CNTN5: variants seen among roughly 807,000 people sequenced by gnomAD.
CNTN5 encodes the protein contactin-5.
Under a neutral mutation model 129.1 loss-of-function variants are expected in CNTN5, and 77 were observed. The observed-to-expected ratio is 0.60, with a 90% confidence interval of 0.50 to 0.72. The LOEUF is 0.72. Among genes scored for constraint, CNTN5 ranks in the 30% least tolerant of loss-of-function variants. The pLI, the probability that CNTN5 is intolerant of heterozygous loss-of-function variation, is 0.00. For synonymous variants in CNTN5, 509 were observed against 465.6 expected (o/e 1.09, Z -1.20); for missense variants, 1,478 against 1,328.8 (o/e 1.11, Z -1.75).
chr11:100,342,485 G>C (rs139735940), intron 23 of CNTN5, among the ~76,000 whole-genome samples: 202 of 152,146 alleles, frequency 1.3e-3, no homozygotes, highest in African/African-American at 4.6e-3. Context: ...CAAGTGGAAG[G>C]CTCATATGGT....
intron 2 of CNTN5, among the ~76,000 whole-genome samples, chr11:99,538,708 G>A (rs1947989512): frequency 6.6e-6 from 1 of 152,068 alleles, no homozygotes. Flanking sequence ...AGTGAGTACT[G>A]CTCTAGGTAT....
At chr11:99,923,741 T>C (rs1489002714) in intron 7 of CNTN5, among the ~76,000 whole-genome samples, 1 of 139,300 alleles carries the variant, frequency 7.2e-6, no homozygotes, top group Non-Finnish European at 1.6e-5. Context: ...TATCTGTCTA[T>C]CTAATCTATC....
At chr11:99,343,683 G>A (rs780506985) in intron 2 of CNTN5, among the ~76,000 whole-genome samples, 8 of 151,728 alleles carry the variant, frequency 5.3e-5, no homozygotes, top group Non-Finnish European at 7.4e-5. Flanking sequence ...AATTTTTCAA[G>A]GAGCATTTTT....
intron 9 of CNTN5, among the ~76,000 whole-genome samples, chr11:100,040,477 G>C (rs1053029611): frequency 1.3e-5 from 2 of 152,198 alleles, no homozygotes; most frequent in Admixed American, 6.5e-5. Flanking sequence ...GCTGGGAGAA[G>C]CACTGCTCTC....
chr11:99,155,310 G>A (rs948228921), intron 1 of CNTN5, among the ~76,000 whole-genome samples: 2 of 152,156 alleles, frequency 1.3e-5, no homozygotes, highest in Non-Finnish European at 2.9e-5. Context: ...TTCACTTTCA[G>A]TCTTATCACT....
At chr11:99,267,726 C>A (rs1182558528) in intron 1 of CNTN5, among the ~76,000 whole-genome samples, 1 of 151,896 alleles carries the variant, frequency 6.6e-6, no homozygotes, top group Non-Finnish European at 1.5e-5. Context: ...AATAAGCATC[C>A]ATTTCATTGA....
At chr11:99,358,937 G>A (rs535675636) in intron 2 of CNTN5, among the ~76,000 whole-genome samples, 1 of 152,052 alleles carries the variant, frequency 6.6e-6, no homozygotes, top group South Asian at 2.1e-4. Context: ...AAAACAAATT[G>A]GTCTGTTTAT....
intron 3 of CNTN5, among the ~76,000 whole-genome samples, chr11:99,706,406 C>A (rs1954758196): frequency 6.6e-6 from 1 of 151,460 alleles, no homozygotes; most frequent in Non-Finnish European, 1.5e-5. Context: ...AAAATATTAT[C>A]TAATAAGAAT....
At chr11:99,200,304 A>G (rs1047801366) in intron 1 of CNTN5, among the ~76,000 whole-genome samples, 2 of 152,226 alleles carry the variant, frequency 1.3e-5, no homozygotes, top group African/African-American at 4.8e-5. Flanking sequence ...ATTAATTCAT[A>G]TAGCTCTCTT....
intron 8 of CNTN5, among the ~76,000 whole-genome samples, chr11:99,969,913 T>A (rs1951203030): frequency 6.6e-6 from 1 of 152,182 alleles, no homozygotes; most frequent in African/African-American, 2.4e-5. Flanking sequence ...ATGATATTTT[T>A]AAATATTTTT....
chr11:99,977,065 C>T (rs185702176), intron 8 of CNTN5, among the ~76,000 whole-genome samples: 2 of 152,302 alleles, frequency 1.3e-5, no homozygotes, highest in East Asian at 3.9e-4. Context: ...AAATTTCTTC[C>T]ACCAGGTATT....
chr11:100,355,818 ATTTTATT>A (rs1467077751), intron 24 of CNTN5, among the ~76,000 whole-genome samples: 2 of 151,690 alleles, frequency 1.3e-5, no homozygotes, highest in Non-Finnish European at 3.0e-5. Context: ...TATCAAAATT[ATTTTATT>A]TTTTATATCT....
intron 3 of CNTN5, among the ~76,000 whole-genome samples, chr11:99,687,889 C>T (rs1953863805): frequency 6.6e-6 from 1 of 152,084 alleles, no homozygotes; most frequent in Admixed American, 6.5e-5. Flanking sequence ...TATTCCCAGT[C>T]TTTTTTTGCA....
At chr11:99,986,093 T>C (rs1368456683) in intron 8 of CNTN5, among the ~76,000 whole-genome samples, 1 of 152,148 alleles carries the variant, frequency 6.6e-6, no homozygotes, top group Non-Finnish European at 1.5e-5. Context: ...CCTTCAGACC[T>C]CTCATTCCTT....
rs779522042 is a variant in CNTN5 at position 99,849,723 on chromosome 11, C to T, written c.577+4461C>T. Among the ~76,000 whole-genome samples the T allele has an allele frequency of 5.9e-5, 9 of 152,214 alleles. No homozygotes were observed. The East Asian group carries it at 1.3e-3, about 23-fold the overall frequency. ...ATTTACTGAATGCTTTTGTTGCAGA[C>T]GATGCTCTGTTTCAAATACATTAAC... On this transcript the variant is annotated intron_variant, in intron 6 of 24. Coordinates refer to ENST00000524871, the MANE Select transcript of CNTN5 (RefSeq NM_014361.4).
intron 13 of CNTN5, among the ~76,000 whole-genome samples, chr11:100,136,346 A>G (rs7112166): frequency 0.68 from 103,950 of 151,902 alleles, 36,879 homozygotes; most frequent in African/African-American, 0.87. Context: ...TCTAAAGATC[A>G]CATATTCATC....
At chr11:99,059,010 T>C (rs753285273) in intron 1 of CNTN5, among the ~76,000 whole-genome samples, 11 of 150,114 alleles carry the variant, frequency 7.3e-5, no homozygotes, top group Admixed American at 1.3e-4. Context: ...ATAACTTGAT[T>C]AATAAAGGAA....
Position 99,446,527 on chromosome 11 carries a change from C to A in CNTN5, c.-70-109618C>A, listed in dbSNP as rs905172336. Among the ~76,000 whole-genome samples, 4 of 152,066 alleles carry A rather than the reference C, an allele frequency of 2.6e-5. No homozygotes were observed. In the East Asian group the frequency reaches 5.8e-4, roughly 22 times the overall value. ...TTCAGTCAGTAAAGTTATTGGCCTGCAAATAATAAAGATGTAAAGTTAGCC... is the reference window on the plus strand; with the variant it reads ...TTCAGTCAGTAAAGTTATTGGCCTGAAAATAATAAAGATGTAAAGTTAGCC... On this transcript the variant is annotated intron_variant, in intron 2 of 24. Coordinates refer to ENST00000524871, the MANE Select transcript of CNTN5 (RefSeq NM_014361.4).
intron 3 of CNTN5, among the ~76,000 whole-genome samples, chr11:99,649,608 T>A (rs1035004016): frequency 2.6e-5 from 4 of 151,816 alleles, no homozygotes; most frequent in African/African-American, 9.7e-5. Flanking sequence ...TTGGGTTGAA[T>A]ATGAAGACCT....
Sources: allele counts gnomAD v4.1 joint callset (sites outside exome capture counted in the v4.1 genomes callset), GRCh38; gene constraint gnomAD v4.1.1; transcripts MANE v1.5; gene names NCBI Gene and HGNC (gene_info 2026-07-23, HGNC 2026-07-21).